The following SLC2A10 variants were observed in gnomAD, a reference collection of about 807,000 sequenced individuals.
SLC2A10 encodes the protein solute carrier family 2 member 10, also known as solute carrier family 2, facilitated glucose transporter member 10.
In SLC2A10, 25 loss-of-function variants were observed where a neutral mutation model predicts 32.1. The ratio of observed to expected loss-of-function variants is 0.78; its 90% CI spans 0.57 to 1.09. The LOEUF is 1.09. SLC2A10 is among the 50% of genes least tolerant of loss of function. The probability of loss-of-function intolerance (pLI) is 0.00; values close to 1 mark genes in which losing one functional copy is unlikely to be tolerated. For missense variants in SLC2A10, 673 were observed against 686.5 expected (o/e 0.98, Z 0.22); for synonymous variants, 332 against 309.6 (o/e 1.07, Z -0.76).
intron 1 of SLC2A10, among the ~76,000 whole-genome samples, chr20:46,723,299 G>T (rs1023397654): frequency 2.6e-5 from 4 of 152,086 alleles, no homozygotes; most frequent in African/African-American, 9.7e-5. Flanking sequence ...AAAAGATCTA[G>T]CCAGCTGTTT....
chr20:46,729,573 C>T, intron 4 of SLC2A10, 85 bp downstream of exon 4: 1 of 1,510,204 alleles, frequency 6.6e-7, no homozygotes, highest in Non-Finnish European at 9.1e-7. Context: ...TTTGTGCTTT[C>T]CTTTTGCAAG....
intron 4 of SLC2A10, among the ~76,000 whole-genome samples, chr20:46,730,203 TTTA>T (rs1177703578): frequency 2.0e-5 from 3 of 152,178 alleles, no homozygotes; most frequent in African/African-American, 7.2e-5. Flanking sequence ...TCCGTGGCTA[TTTA>T]TTAAGTCCTT....
Position 46,718,020 on chromosome 20 carries a change from G to A in SLC2A10, c.5-7021G>A, listed in dbSNP as rs1301681870. On this transcript the variant is annotated intron_variant, in intron 1 of 4. Coordinates refer to ENST00000359271, the MANE Select transcript of SLC2A10 (RefSeq NM_030777.4). ...GAAGATCACTTGAGCCCAGGAGTTC[G>A]AGACCAGCCTGGGCAATGTAGTGAG... Among the ~76,000 whole-genome samples the A allele has an allele frequency of 7.2e-5, 11 of 152,050 alleles. No homozygotes were observed. The South Asian group carries it at 1.2e-3, about 17-fold the overall frequency.
In SLC2A10 at chr20:46,729,423, T is replaced by C. The variant is rs750418820; in HGVS notation, c.1482T>C (p.Tyr494=). Residue 494 remains tyrosine (Y), a synonymous_variant, in exon 4 of 5, where the codon TAT becomes TAC. Coordinates refer to ENST00000359271, the MANE Select transcript of SLC2A10 (RefSeq NM_030777.4). ...LTAVLGLGFI[Y]LFVPETKGQS... ...CTGTCCTCGGCCTGGGCTTCATCTATTTATTTGTTCCTGAAACAAAAGGCC... is the reference window on the plus strand; with the variant it reads ...CTGTCCTCGGCCTGGGCTTCATCTACTTATTTGTTCCTGAAACAAAAGGCC... 4.3e-6 allele frequency: 7 copies of C among 1,614,058 alleles called. No individual in the cohort carries two copies. Among genetic ancestry groups the C allele is most frequent in the Non-Finnish European group, 5.9e-6 (7 of 1,180,002 alleles).
In SLC2A10 at chr20:46,729,384, C is replaced by G. The variant is rs1168833604; in HGVS notation, c.1443C>G (p.Leu481=). 1.5e-5 allele frequency: 24 copies of G among 1,614,042 alleles called. No individual in the cohort carries two copies. The highest frequency in any genetic ancestry group is 1.9e-5 in the Non-Finnish European group (23 of 1,180,010). The part of the protein sequence containing the change: ...GTIGLSWTFL[L]YGLTAVLGLG... ...TCGGCTTGTCCTGGACCTTCCTGCT[C>G]TACGGACTGACCGCTGTCCTCGGCC... Residue 481 remains leucine (L), a synonymous_variant, in exon 4 of 5, where the codon CTC becomes CTG. Coordinates refer to ENST00000359271, the MANE Select transcript of SLC2A10 (RefSeq NM_030777.4).
intron 4 of SLC2A10, among the ~76,000 whole-genome samples, chr20:46,731,594 G>A (rs751919709): frequency 2.0e-5 from 3 of 152,070 alleles, no homozygotes; most frequent in Non-Finnish European, 4.4e-5. Flanking sequence ...CTGGACCTGG[G>A]GTTACATGGG....
chr20:46,730,430 A>G (rs1210273119), intron 4 of SLC2A10, among the ~76,000 whole-genome samples: 6 of 152,180 alleles, frequency 3.9e-5, no homozygotes, highest in Non-Finnish European at 8.8e-5. Flanking sequence ...CAAAGAAGAA[A>G]GGGGTTGTGG....
rs146007392 is a variant in SLC2A10, at chr20:46,733,164, G to A, written c.1548-592G>A. ...TAATTGGCTCACAGTTCTGCACTCT[G>A]TACAGGAAGAATGATGCTGTTGTCT... On this transcript the variant is annotated intron_variant, in intron 4 of 4. Transcript: ENST00000359271. Among the ~76,000 whole-genome samples the A allele has an allele frequency of 8.2e-3, 1,251 of 152,318 alleles. 16 individuals carry two copies. The highest frequency in any genetic ancestry group is 0.028 in the African/African-American group (1,167 of 41,570).
At chr20:46,717,250 T>G (rs1368654382) in intron 1 of SLC2A10, among the ~76,000 whole-genome samples, 1 of 152,108 alleles carries the variant, frequency 6.6e-6, no homozygotes, top group East Asian at 1.9e-4. Context: ...ACCCCATAAT[T>G]GATCCATCAA....
At chr20:46,727,650 C>T (rs1408008076) in intron 3 of SLC2A10, among the ~76,000 whole-genome samples, 1 of 152,094 alleles carries the variant, frequency 6.6e-6, no homozygotes, top group Non-Finnish European at 1.5e-5. Context: ...TGGGTGACAT[C>T]ATCTCTTCCT....
At chr20:46,726,792 C>T in intron 2 of SLC2A10, 72 bp from the exon 3 acceptor site, 1 of 1,599,644 alleles carries the variant, frequency 6.3e-7, no homozygotes, top group Non-Finnish European at 8.6e-7. Context: ...TGAGAGGCTG[C>T]ATGTTTGACC....
chr20:46,709,434 G>T (rs866723365), upstream of SLC2A10: 140 of 428,628 alleles, frequency 3.3e-4, no homozygotes, highest in African/African-American at 2.8e-3. Flanking sequence ...GACTACCAAC[G>T]AAGGGGACCC....
chr20:46,733,913 C>A lies in SLC2A10; in HGVS notation c.*79C>A. ...GCATCCTGCTTCCTAGGCCCCAGAG[C>A]ACAAGTTCCAGCTGGTCTTTTGGGA... On this transcript the variant is annotated 3_prime_UTR_variant, in exon 5 of 5. Coordinates refer to ENST00000359271, the MANE Select transcript of SLC2A10 (RefSeq NM_030777.4). 1.4e-6 allele frequency: 2 copies of A among 1,394,174 alleles called. No individual in the cohort carries two copies. The highest frequency in any genetic ancestry group is 2.0e-6 in the Non-Finnish European group (2 of 992,344). The allele number at this position is 1,394,174 out of a possible 1,614,324, so 86.4% of individuals were successfully genotyped here.
At chr20:46,714,049 A>C (rs1420822075) in intron 1 of SLC2A10, among the ~76,000 whole-genome samples, 1 of 152,192 alleles carries the variant, frequency 6.6e-6, no homozygotes, top group African/African-American at 2.4e-5. Flanking sequence ...ATTAAAAAAA[A>C]AATGACAGGC....
intron 1 of SLC2A10, among the ~76,000 whole-genome samples, chr20:46,710,591 C>T (rs1022331120): frequency 1.3e-5 from 2 of 152,094 alleles, no homozygotes; most frequent in African/African-American, 2.4e-5. Context: ...TGGAGTAGGA[C>T]GTTTTGGAGC....
intron 1 of SLC2A10, among the ~76,000 whole-genome samples, chr20:46,718,373 C>G (rs1415863294): frequency 6.6e-6 from 1 of 152,178 alleles, no homozygotes; most frequent in African/African-American, 2.4e-5. Context: ...TGTCAAGGAA[C>G]CAACTTGAGT....
intron 1 of SLC2A10, among the ~76,000 whole-genome samples, chr20:46,712,463 C>T (rs554334314): frequency 6.6e-6 from 1 of 152,276 alleles, no homozygotes; most frequent in African/African-American, 2.4e-5. Context: ...GTGCCCTCCA[C>T]AGCGAGGGGC....
chr20:46,723,498 C>G (rs1476568472), intron 1 of SLC2A10, among the ~76,000 whole-genome samples: 1 of 152,186 alleles, frequency 6.6e-6, no homozygotes, highest in Non-Finnish European at 1.5e-5. Flanking sequence ...CATTTAGCAT[C>G]TCCATACAAC....
At chr20:46,726,788 G>A in intron 2 of SLC2A10, 76 bp from the exon 3 acceptor site, 1 of 1,592,094 alleles carries the variant, frequency 6.3e-7, no homozygotes, top group Non-Finnish European at 8.6e-7. Context: ...TTGTTGAGAG[G>A]CTGCATGTTT....
Sources: gnomAD v4.1 joint callset for allele counts (sites outside exome capture counted in the v4.1 genomes callset) on GRCh38, gnomAD v4.1.1 for gene constraint, MANE v1.5 for transcripts, NCBI Gene and HGNC (gene_info 2026-07-23, HGNC 2026-07-21) for gene names.